The following BABAM2 variants were observed in gnomAD, a reference collection of about 807,000 sequenced individuals.
The protein encoded by BABAM2 is BRISC and BRCA1-A complex member 2.
BABAM2 carries 31 observed loss-of-function variants against 54.7 expected under a neutral mutation model. The ratio of observed to expected loss-of-function variants is 0.57; its 90% confidence interval spans 0.43 to 0.77. The LOEUF (loss-of-function observed/expected upper bound fraction) is 0.77. Ranked by LOEUF, BABAM2 falls within the 30% of genes least tolerant of loss-of-function variation. The probability of loss-of-function intolerance (pLI) is 0.00; values close to 1 mark genes in which losing one functional copy is unlikely to be tolerated. For synonymous variants in BABAM2, 167 were observed against 162.9 expected (o/e 1.03, Z -0.19); for missense variants, 364 against 455.8 (o/e 0.80, Z 1.83).
At chr2:28,132,161 C>T (rs1405324585) in intron 7 of BABAM2, among the ~76,000 whole-genome samples, 2 of 141,944 alleles carry the variant, frequency 1.4e-5, no homozygotes, top group East Asian at 4.0e-4. Context: ...TTTTTTGAGA[C>T]GGAATCTCGT....
intron 2 of BABAM2, among the ~76,000 whole-genome samples, chr2:27,928,294 G>A (rs899546406): frequency 2.6e-5 from 4 of 152,106 alleles, no homozygotes; most frequent in African/African-American, 9.7e-5. Flanking sequence ...GATTACAGAT[G>A]TGAGCCACCG....
At chr2:28,036,769 G>A (rs1336353480) in intron 5 of BABAM2, among the ~76,000 whole-genome samples, 3 of 152,158 alleles carry the variant, frequency 2.0e-5, no homozygotes, top group African/African-American at 7.2e-5. Flanking sequence ...GTTCAAATTA[G>A]TTTGAATTGG....
At chr2:27,928,420 G>C (rs943641119) in intron 2 of BABAM2, among the ~76,000 whole-genome samples, 4 of 151,840 alleles carry the variant, frequency 2.6e-5, no homozygotes, top group African/African-American at 9.7e-5. Context: ...AAAGTGCTGG[G>C]ATTATAGGTG....
At chr2:28,062,175 T>C (rs1678927101) in intron 6 of BABAM2, among the ~76,000 whole-genome samples, 1 of 151,432 alleles carries the variant, frequency 6.6e-6, no homozygotes, top group Non-Finnish European at 1.5e-5. Context: ...GGAGAATTGC[T>C]TGAATCCAGG....
intron 6 of BABAM2, among the ~76,000 whole-genome samples, chr2:28,091,355 T>A (rs1211681055): frequency 6.6e-6 from 1 of 152,202 alleles, no homozygotes. Flanking sequence ...TTGCATAGGA[T>A]ATATCAGGAA....
intron 3 of BABAM2, among the ~76,000 whole-genome samples, chr2:27,982,689 A>G (rs1183869347): frequency 6.6e-6 from 1 of 151,368 alleles, no homozygotes; most frequent in Non-Finnish European, 1.5e-5. Context: ...GTGTACTTTT[A>G]TGAAACACAC....
chr2:27,948,160 G>GCA (rs1304550832), intron 3 of BABAM2, among the ~76,000 whole-genome samples: 1 of 151,286 alleles, frequency 6.6e-6, no homozygotes, highest in Non-Finnish European at 1.5e-5. Context: ...TACAGGTTTT[G>GCA]CACTTCTTTT....
At chr2:28,131,945 G>A (rs534116671) in intron 7 of BABAM2, among the ~76,000 whole-genome samples, 3 of 152,250 alleles carry the variant, frequency 2.0e-5, no homozygotes, top group African/African-American at 7.2e-5. Flanking sequence ...AAAAACATTT[G>A]TTCCAGCAGC....
At chr2:28,125,358 A>G (rs1343260522) in intron 6 of BABAM2, among the ~76,000 whole-genome samples, 1 of 152,068 alleles carries the variant, frequency 6.6e-6, no homozygotes, top group Non-Finnish European at 1.5e-5. Flanking sequence ...CAGTGGCACC[A>G]TCTCGGCTCA....
Position 28,031,133 on chromosome 2 carries a change from G to A in BABAM2, c.495+5713G>A, listed in dbSNP as rs1676263480. ...AAACTTAGTTTACTTCTTTAAGGAAGGGTAGTATCATAAACTTAGATGATC... is the reference window on the plus strand; with the variant it reads ...AAACTTAGTTTACTTCTTTAAGGAAAGGTAGTATCATAAACTTAGATGATC... On this transcript the variant is annotated intron_variant, in intron 5 of 11. Transcript: ENST00000379624. Among the ~76,000 whole-genome samples, 3 of 152,170 alleles carry A rather than the reference G, an allele frequency of 2.0e-5. No homozygotes were observed. The South Asian group carries it at 6.2e-4, about 32-fold the overall frequency.
At chr2:28,078,765 G>A (rs988525219) in intron 6 of BABAM2, among the ~76,000 whole-genome samples, 3 of 152,160 alleles carry the variant, frequency 2.0e-5, no homozygotes, top group Non-Finnish European at 4.4e-5. Flanking sequence ...AGGTGGAGAT[G>A]TCCAGTAGCT....
intron 7 of BABAM2, among the ~76,000 whole-genome samples, chr2:28,141,809 G>A (rs1185192714): frequency 2.6e-5 from 4 of 152,262 alleles, no homozygotes; most frequent in African/African-American, 9.6e-5. Flanking sequence ...TATTAATAAA[G>A]CATCATTTAC....
intron 6 of BABAM2, among the ~76,000 whole-genome samples, chr2:28,102,544 A>G (rs1667175502): frequency 6.6e-6 from 1 of 152,212 alleles, no homozygotes. Flanking sequence ...AATGGATTGG[A>G]GCAGTTGTGC....
intron 3 of BABAM2, among the ~76,000 whole-genome samples, chr2:27,972,945 T>C (rs892227138): frequency 1.8e-4 from 27 of 151,892 alleles, no homozygotes; most frequent in African/African-American, 6.0e-4. Context: ...TTTTGTATTT[T>C]TTAGTAGAGA....
At chr2:28,115,885 T>G (rs1354147854) in intron 6 of BABAM2, among the ~76,000 whole-genome samples, 3 of 151,674 alleles carry the variant, frequency 2.0e-5, no homozygotes, top group Non-Finnish European at 4.4e-5. Context: ...GATGCCGAGG[T>G]GGGTGGATCA....
intron 3 of BABAM2, among the ~76,000 whole-genome samples, chr2:27,952,586 T>A (rs1282231958): frequency 6.6e-6 from 1 of 152,214 alleles, no homozygotes; most frequent in Non-Finnish European, 1.5e-5. Flanking sequence ...TTCTTTTTCT[T>A]TATTATTCTG....
At chr2:28,155,871 G>T (rs1479647178) in intron 7 of BABAM2, among the ~76,000 whole-genome samples, 1 of 152,190 alleles carries the variant, frequency 6.6e-6, no homozygotes, top group Non-Finnish European at 1.5e-5. Context: ...TGGATTCTAG[G>T]AGGTGGAAAT....
chr2:27,985,812 G>A (rs956236289), intron 3 of BABAM2, among the ~76,000 whole-genome samples: 1 of 152,146 alleles, frequency 6.6e-6, no homozygotes, highest in Non-Finnish European at 1.5e-5. Context: ...GACACAGCGT[G>A]TCACAGTATC....
intron 2 of BABAM2, among the ~76,000 whole-genome samples, chr2:27,924,395 T>C (rs1480288260): frequency 6.6e-6 from 1 of 151,814 alleles, no homozygotes; most frequent in Non-Finnish European, 1.5e-5. Flanking sequence ...CCATGCTCTT[T>C]TTTTTTTTAG....
Sources: allele counts gnomAD v4.1 joint callset (sites outside exome capture counted in the v4.1 genomes callset), GRCh38; gene constraint gnomAD v4.1.1; transcripts MANE v1.5; gene names NCBI Gene and HGNC (gene_info 2026-07-23, HGNC 2026-07-21).